EVI5L: variants seen among roughly 807,000 people sequenced by gnomAD.
EVI5L encodes the protein ecotropic viral integration site 5 like.
A neutral mutation model predicts 106.1 loss-of-function variants in EVI5L; 30 were observed. The ratio of observed to expected loss-of-function variants is 0.28; its 90% CI spans 0.21 to 0.38. The LOEUF (loss-of-function observed/expected upper bound fraction) is 0.38. Ranked by LOEUF, EVI5L falls within the 10% of genes least tolerant of loss-of-function variation. The probability of loss-of-function intolerance (pLI) is 1.00; values close to 1 mark genes in which losing one functional copy is unlikely to be tolerated. For missense variants in EVI5L, 809 were observed against 1,098.0 expected, an observed-to-expected ratio of 0.74 and a Z score of 3.72; for synonymous variants, 489 against 483.3, an observed-to-expected ratio of 1.01 and a Z score of -0.15.
intron 1 of EVI5L, among the ~76,000 whole-genome samples, chr19:7,833,666 C>T (rs1386711367): frequency 6.6e-6 from 1 of 152,192 alleles, no homozygotes; most frequent in Non-Finnish European, 1.5e-5. Flanking sequence ...GTGGTGCGCT[C>T]AGGGAGGCGT....
rs1285623572 is a variant in EVI5L, at chr19:7,858,155, C to T, written c.1234-36C>T. On this transcript the variant is annotated intron_variant, in intron 12 of 19. Coordinates refer to ENST00000538904, the MANE Select transcript of EVI5L (RefSeq NM_001159944.3). This position sits in a 1 kb window ranked among gnomAD's most constrained non-coding sequence, Gnocchi z 5.7. ...GGCCTTGGGTGGGAGCCGAGGGTCA[C>T]GGCCTCCCCCTGCCCCCTGTCCTCG... 17 of 1,542,036 alleles carry T rather than the reference C, an allele frequency of 1.1e-5. No homozygotes were observed. Among genetic ancestry groups the T allele is most frequent in the Non-Finnish European group, 1.5e-5 (17 of 1,142,284 alleles).
Position 7,864,121 on chromosome 19 carries a change from C to T in EVI5L, c.*419C>T, listed in dbSNP as rs1030429514. On this transcript the variant is annotated 3_prime_UTR_variant, in exon 20 of 20. Coordinates refer to ENST00000538904, the MANE Select transcript of EVI5L (RefSeq NM_001159944.3). The surrounding 1 kb of genome is among the most constrained non-coding windows in gnomAD (Gnocchi z 4.5). The stretch of plus-strand genomic sequence containing the variant: ...TGCTGGGAAGTGCTCAGGAGGTAGC[C>T]GAGGCCTGAGGAAGGAGAGCGCCAG... 6.2e-5 allele frequency: 11 copies of T among 177,562 alleles called. No individual in the cohort carries two copies. In the East Asian group the frequency reaches 1.1e-3, roughly 17 times the overall value. 11.0% of individuals were successfully genotyped at this position (177,562 alleles called of 1,614,324 possible).
At position 7,864,174 on chromosome 19, in the gene EVI5L, A is replaced by C; in HGVS notation, c.*472A>C. The C allele has an allele frequency of 6.4e-6, 1 of 156,762 alleles. No homozygotes were observed. The allele number at this position is 156,762 out of a possible 1,614,324, so 9.7% of individuals were successfully genotyped here. A position where few individuals can be genotyped will look rare whatever the true frequency, so the allele number is the denominator to read the frequency against. ...CTGGGCTGGACATCAGCACCCCACA[A>C]CACTCCTCGGGATGAAGTGACCCTT... On this transcript the variant is annotated 3_prime_UTR_variant, in exon 20 of 20. Coordinates refer to ENST00000538904, the MANE Select transcript of EVI5L (RefSeq NM_001159944.3). This position sits in a 1 kb window ranked among gnomAD's most constrained non-coding sequence, Gnocchi z 4.5.
Position 7,863,365 on chromosome 19 carries a change from G to A in EVI5L, c.2140-59G>A. On this transcript the variant is annotated intron_variant, in intron 19 of 19. Transcript: ENST00000538904. The surrounding 1 kb of genome is among the most constrained non-coding windows in gnomAD (Gnocchi z 7.7). Reference sequence around the variant, plus strand: ...AGCGCAGGTGCCTTGCGGAGGATGCGGCTGGGAGGGCGGGGCAGAAGGCCG... The same window carrying A: ...AGCGCAGGTGCCTTGCGGAGGATGCAGCTGGGAGGGCGGGGCAGAAGGCCG... 1.9e-6 allele frequency: 3 copies of A among 1,538,484 alleles called. No homozygotes were observed.
In EVI5L at chr19:7,856,976, T is replaced by G; in HGVS notation, c.1201-116T>G. 1 of 1,074,414 alleles carries G rather than the reference T, an allele frequency of 9.3e-7. No homozygotes were observed. Among genetic ancestry groups the G allele is most frequent in the Non-Finnish European group, 1.4e-6 (1 of 715,118 alleles). The allele number at this position is 1,074,414 out of a possible 1,614,324, so 66.6% of individuals were successfully genotyped here. A position where few individuals can be genotyped will look rare whatever the true frequency, so the allele number is the denominator to read the frequency against. ...TCTTCCCTCCTCTCTCCCCCGCTTC[T>G]AGAGATAGTCCACTGCGTTAGTGAC... On this transcript the variant is annotated intron_variant, in intron 11 of 19. Transcript: ENST00000538904. The surrounding 1 kb of genome is among the most constrained non-coding windows in gnomAD (Gnocchi z 6.6).
chr19:7,830,686 C>T (rs1669697937), intron 1 of EVI5L, among the ~76,000 whole-genome samples: 2 of 148,086 alleles, frequency 1.4e-5, no homozygotes, highest in Admixed American at 6.7e-5. Context: ...CCTCAGGACT[C>T]CTCTCCGGGA....
intron 1 of EVI5L, among the ~76,000 whole-genome samples, chr19:7,837,614 C>T (rs1007986533): frequency 3.9e-5 from 6 of 152,214 alleles, no homozygotes; most frequent in African/African-American, 1.4e-4. Flanking sequence ...TCATGTCTCC[C>T]TAACCTCCTC....
rs983312248 is a variant in EVI5L, at chr19:7,835,073, C to A, written c.-48+4692C>A. ...AATCACTTGAGCTCAGGAGTTGGAG[C>A]CTGCAGTTGGCTATGATTGTACCAC... On this transcript the variant is annotated intron_variant, in intron 1 of 19. Coordinates refer to ENST00000538904, the MANE Select transcript of EVI5L (RefSeq NM_001159944.3). The surrounding 1 kb of genome is among the most constrained non-coding windows in gnomAD (Gnocchi z 4.1). Among the ~76,000 whole-genome samples, 2 of 150,852 alleles carry A rather than the reference C, an allele frequency of 1.3e-5. No individual in the cohort carries two copies. The highest frequency in any genetic ancestry group is 4.9e-5 in the African/African-American group (2 of 40,926).
At chr19:7,842,909 CAT>C (rs1318150882) in intron 1 of EVI5L, among the ~76,000 whole-genome samples, 1 of 151,062 alleles carries the variant, frequency 6.6e-6, no homozygotes, top group East Asian at 2.0e-4. Flanking sequence ...TGAGTGTGTG[CAT>C]GTGTGTGTGA....
At position 7,857,492 on chromosome 19, in the gene EVI5L, GCACA is replaced by G. The variant is rs1237546107; in HGVS notation, c.1233+378_1233+381del. On this transcript the variant is annotated intron_variant, in intron 12 of 19. Coordinates refer to ENST00000538904, the MANE Select transcript of EVI5L (RefSeq NM_001159944.3). This position sits in a 1 kb window ranked among gnomAD's most constrained non-coding sequence, Gnocchi z 4.5. ...GCGGTCACACACACACACAACACAT[GCACA>G]CACACACACGCACACACACGCCCGG... The G allele has an allele frequency of 2.1e-5, 9 of 421,210 alleles. No individual in the cohort carries two copies. Among genetic ancestry groups the G allele is most frequent in the South Asian group, 9.7e-5 (4 of 41,296 alleles). The allele number at this position is 421,210 out of a possible 1,614,324, so 26.1% of individuals were successfully genotyped here. A position where few individuals can be genotyped will look rare whatever the true frequency, so the allele number is the denominator to read the frequency against.
chr19:7,860,434 C>A, intron 13 of EVI5L, 127 bp from the exon 14 acceptor site: 1 of 757,860 alleles, frequency 1.3e-6, no homozygotes, highest in African/African-American at 1.8e-5. Context: ...CAGCCCAGGA[C>A]ACCCCAAGCC....
At chr19:7,838,336 C>T (rs1256435529) in intron 1 of EVI5L, among the ~76,000 whole-genome samples, 1 of 152,022 alleles carries the variant, frequency 6.6e-6, no homozygotes, top group African/African-American at 2.4e-5. Context: ...GTCTCAAACT[C>T]CTGACCTCAA....
At chr19:7,844,648 G>A (rs1181914207) in intron 1 of EVI5L, among the ~76,000 whole-genome samples, 2 of 152,214 alleles carry the variant, frequency 1.3e-5, no homozygotes, top group Admixed American at 6.5e-5. Context: ...TCCCTGCCTC[G>A]GGAATGATTA....
At position 7,864,139 on chromosome 19, in the gene EVI5L, A is replaced by C. The variant is rs1470170759; in HGVS notation, c.*437A>C. ...AGGTAGCCGAGGCCTGAGGAAGGAG[A>C]GCGCCAGCTCTGGGCTGGACATCAG... On this transcript the variant is annotated 3_prime_UTR_variant, in exon 20 of 20. Coordinates refer to ENST00000538904, the MANE Select transcript of EVI5L (RefSeq NM_001159944.3). The surrounding 1 kb of genome is among the most constrained non-coding windows in gnomAD (Gnocchi z 4.5). 5.9e-6 allele frequency: 1 copy of C among 168,826 alleles called. No individual in the cohort carries two copies. Among genetic ancestry groups the C allele is most frequent in the African/African-American group, 2.4e-5 (1 of 42,032 alleles). The allele number at this position is 168,826 out of a possible 1,614,324, so 10.5% of individuals were successfully genotyped here.
chr19:7,847,595 G>GA (rs34340959), intron 2 of EVI5L, 137 bp from the exon 3 acceptor site: 347,791 of 659,674 alleles, frequency 0.53, 66,126 homozygotes, highest in Admixed American at 0.62. Flanking sequence ...CAAAGAAGAA[G>GA]AAAAAAAAAA....
intron 1 of EVI5L, among the ~76,000 whole-genome samples, chr19:7,830,709 C>G (rs1978290533): frequency 6.9e-6 from 1 of 145,184 alleles, no homozygotes; most frequent in Admixed American, 6.8e-5. Flanking sequence ...CCCCTCAGGG[C>G]TCCCCATCCC....
chr19:7,840,645 G>C (rs984707466), intron 1 of EVI5L, among the ~76,000 whole-genome samples: 1 of 151,392 alleles, frequency 6.6e-6, no homozygotes, highest in Non-Finnish European at 1.5e-5. Flanking sequence ...CTGGCCCCTG[G>C]TGACCACAAA....
chr19:7,854,784 G>A (rs1194016917), intron 10 of EVI5L, among the ~76,000 whole-genome samples: 1 of 152,142 alleles, frequency 6.6e-6, no homozygotes, highest in Non-Finnish European at 1.5e-5. Flanking sequence ...TGAACTGAGG[G>A]ACTAGGGCAA....
At position 7,858,052 on chromosome 19, in the gene EVI5L, A is replaced by T; in HGVS notation, c.1234-139A>T. 1 of 1,007,558 alleles carries T rather than the reference A, an allele frequency of 9.9e-7. No homozygotes were observed. Among genetic ancestry groups the T allele is most frequent in the Non-Finnish European group, 1.4e-6 (1 of 699,522 alleles). 62.4% of individuals were successfully genotyped at this position (1,007,558 alleles called of 1,614,324 possible). ...CCAGGCCCAGTGGGACGCTCATCCC[A>T]GGCTCTGAGTACGGGAGGCCCCCAC... On this transcript the variant is annotated intron_variant, in intron 12 of 19. Coordinates refer to ENST00000538904, the MANE Select transcript of EVI5L (RefSeq NM_001159944.3). The surrounding 1 kb of genome is among the most constrained non-coding windows in gnomAD (Gnocchi z 5.7).
Sources: allele counts gnomAD v4.1 joint callset (sites outside exome capture counted in the v4.1 genomes callset), GRCh38; gene constraint gnomAD v4.1.1; non-coding constraint Gnocchi (gnomAD v3.1); transcripts MANE v1.5; gene names NCBI Gene and HGNC (gene_info 2026-07-23, HGNC 2026-07-21).